The following NBEA variants were observed in gnomAD, a reference collection of about 807,000 sequenced individuals.
NBEA encodes the protein lysosomal-trafficking regulator 2.
A neutral mutation model predicts 343.4 loss-of-function variants in NBEA; 44 were observed. The ratio of observed to expected loss-of-function variants is 0.13; its 90% confidence interval spans 0.10 to 0.16. The LOEUF is 0.16. NBEA is among the 10% of genes least tolerant of loss of function. NBEA has a pLI of 1.00. For missense variants in NBEA, 2,555 were observed against 3,631.3 expected, an observed-to-expected ratio of 0.70 and a Z score of 7.62; for synonymous variants, 1,175 against 1,238.7, an observed-to-expected ratio of 0.95 and a Z score of 1.08.
chr13:35,452,812 C>A (rs2046374070), intron 40 of NBEA, among the ~76,000 whole-genome samples: 1 of 152,188 alleles, frequency 6.6e-6, no homozygotes, highest in South Asian at 2.1e-4. Flanking sequence ...GTATAGATAT[C>A]TTAGTGTATT....
intron 35 of NBEA, among the ~76,000 whole-genome samples, chr13:35,297,553 C>A (rs1381596526): frequency 6.6e-6 from 1 of 151,894 alleles, no homozygotes; most frequent in East Asian, 1.9e-4. Flanking sequence ...TGTTTATTTA[C>A]AACAATCCAG....
At chr13:35,279,196 G>A (rs2034870983) in intron 34 of NBEA, among the ~76,000 whole-genome samples, 1 of 152,104 alleles carries the variant, frequency 6.6e-6, no homozygotes, top group Non-Finnish European at 1.5e-5. Context: ...CACAGTTAAA[G>A]GAAGTACTAT....
chr13:35,149,664 T>C (rs2068649705), intron 18 of NBEA, among the ~76,000 whole-genome samples: 1 of 152,200 alleles, frequency 6.6e-6, no homozygotes, highest in Admixed American at 6.5e-5. Flanking sequence ...ACTGGTTTGG[T>C]CAATGATGCC....
At chr13:35,627,229 C>T (rs188339748) in intron 48 of NBEA, among the ~76,000 whole-genome samples, 1 of 152,064 alleles carries the variant, frequency 6.6e-6, no homozygotes, top group Non-Finnish European at 1.5e-5. Flanking sequence ...CTGAAATTTA[C>T]AAAGCTAGAT....
intron 33 of NBEA, among the ~76,000 whole-genome samples, chr13:35,213,402 C>T (rs1359395072): frequency 6.6e-6 from 1 of 150,746 alleles, no homozygotes; most frequent in Non-Finnish European, 1.5e-5. Flanking sequence ...TGTTATTTTT[C>T]CTCAAGAAAG....
intron 2 of NBEA, 140 bp from the exon 3 acceptor site, chr13:35,044,807 A>G (rs1593567065): frequency 2.4e-6 from 1 of 413,970 alleles, no homozygotes; most frequent in Admixed American, 3.9e-5. Flanking sequence ...ATTTAGCTGT[A>G]TTAGATACAT....
intron 1 of NBEA, among the ~76,000 whole-genome samples, chr13:34,981,630 T>G (rs987131935): frequency 1.3e-5 from 2 of 152,210 alleles, no homozygotes; most frequent in Non-Finnish European, 2.9e-5. Context: ...GATTTTGGTC[T>G]GCAATTTTAT....
At chr13:35,509,449 G>A (rs2077192478) in intron 41 of NBEA, among the ~76,000 whole-genome samples, 1 of 152,142 alleles carries the variant, frequency 6.6e-6, no homozygotes, top group Non-Finnish European at 1.5e-5. Context: ...AATGGGGGCA[G>A]GAGAGTCACT....
chr13:35,055,952 A>C (rs1046844801), intron 6 of NBEA, 58 bp from the exon 7 acceptor site: 1 of 1,394,602 alleles, frequency 7.2e-7, no homozygotes, highest in East Asian at 2.6e-5. Flanking sequence ...TTACAATTGC[A>C]TTTTAGACTG....
chr13:35,102,983 C>A (rs2065723517), intron 11 of NBEA, among the ~76,000 whole-genome samples: 1 of 151,640 alleles, frequency 6.6e-6, no homozygotes, highest in African/African-American at 2.4e-5. Flanking sequence ...AATAATTACA[C>A]TAAGTATGAT....
At chr13:35,666,999 G>C (rs1027415617) in intron 56 of NBEA, among the ~76,000 whole-genome samples, 2 of 152,162 alleles carry the variant, frequency 1.3e-5, no homozygotes, top group Non-Finnish European at 2.9e-5. Context: ...ATGAGCAGCT[G>C]TTCTGATAAT....
At chr13:35,124,941 A>C (rs1413689339) in intron 17 of NBEA, among the ~76,000 whole-genome samples, 1 of 152,100 alleles carries the variant, frequency 6.6e-6, no homozygotes, top group Admixed American at 6.5e-5. Flanking sequence ...AACTTCAGTT[A>C]ATTAAAATAA....
intron 1 of NBEA, among the ~76,000 whole-genome samples, chr13:34,951,387 TA>T: frequency 6.6e-6 from 1 of 152,338 alleles, no homozygotes; most frequent in East Asian, 1.9e-4. Context: ...TTAATATATG[TA>T]AAGTGCTTGG....
chr13:35,584,675 T>G (rs2081210708), intron 46 of NBEA, among the ~76,000 whole-genome samples: 1 of 151,996 alleles, frequency 6.6e-6, no homozygotes, highest in Non-Finnish European at 1.5e-5. Context: ...AATTTTTGTA[T>G]TTTTAGTAGA....
chr13:35,620,069 TAAAC>T (rs1194637287), intron 48 of NBEA, among the ~76,000 whole-genome samples: 1 of 152,036 alleles, frequency 6.6e-6, no homozygotes, highest in Non-Finnish European at 1.5e-5. Flanking sequence ...CACAGACAAA[TAAAC>T]AAACAGTCCC....
chr13:35,495,982 GATATA>G (rs1461142919), intron 41 of NBEA, among the ~76,000 whole-genome samples: 1 of 151,968 alleles, frequency 6.6e-6, no homozygotes, highest in Non-Finnish European at 1.5e-5. Context: ...GATGAAGTAG[GATATA>G]ATAGTTTCCT....
At chr13:35,408,053 T>A (rs1244366527) in intron 38 of NBEA, among the ~76,000 whole-genome samples, 1 of 152,050 alleles carries the variant, frequency 6.6e-6, no homozygotes, top group African/African-American at 2.4e-5. Context: ...AAATAGCCAA[T>A]GCAATCATAA....
intron 41 of NBEA, among the ~76,000 whole-genome samples, chr13:35,485,246 A>G (rs2076267099): frequency 6.6e-6 from 1 of 152,076 alleles, no homozygotes; most frequent in South Asian, 2.1e-4. Context: ...GAAGTTATGT[A>G]TTATTTACAA....
intron 1 of NBEA, among the ~76,000 whole-genome samples, chr13:34,994,024 C>T (rs1346020884): frequency 1.3e-5 from 2 of 151,316 alleles, no homozygotes; most frequent in Non-Finnish European, 2.9e-5. Flanking sequence ...ATGGTGAAAC[C>T]CCGTCTCTAC....
Sources: gnomAD v4.1 joint callset for allele counts (sites outside exome capture counted in the v4.1 genomes callset) on GRCh38, gnomAD v4.1.1 for gene constraint, MANE v1.5 for transcripts, NCBI Gene and HGNC (gene_info 2026-07-23, HGNC 2026-07-21) for gene names.